Variants in CRKL observed in about 807,000 individuals in gnomAD.
CRKL encodes CRK like proto-oncogene, adaptor protein, also known as crk-like protein.
In CRKL, 3 loss-of-function variants were observed where a neutral mutation model predicts 23.0. That is an observed-to-expected ratio of 0.13 (90% confidence interval 0.06 to 0.34). The LOEUF (loss-of-function observed/expected upper bound fraction) is 0.34. CRKL is among the 10% of genes least tolerant of loss of function. CRKL has a pLI of 1.00. For synonymous variants in CRKL, 188 were observed against 160.7 expected, an observed-to-expected ratio of 1.17 and a Z score of -1.28; for missense variants, 256 against 394.5, an observed-to-expected ratio of 0.65 and a Z score of 2.97.
intron 2 of CRKL, among the ~76,000 whole-genome samples, chr22:20,936,263 A>G (rs1194626779): frequency 6.6e-6 from 1 of 152,236 alleles, no homozygotes; most frequent in African/African-American, 2.4e-5. Flanking sequence ...CTCACCAAAC[A>G]GCCTGCCCAC....
intron 1 of CRKL, among the ~76,000 whole-genome samples, chr22:20,931,367 A>G (rs1601678141): frequency 6.6e-6 from 1 of 152,138 alleles, no homozygotes; most frequent in African/African-American, 2.4e-5. Flanking sequence ...TGGTTGTGCC[A>G]CTCTGCACTC....
rs1407371341 is a variant in CRKL at position 20,952,671 on chromosome 22, C to T, written c.*2826C>T. ...GGTGGGTGTTCATAACTGCTACTTG[C>T]TCTGCTCTACCATGTTTAAAGAAAT... On this transcript the variant is annotated 3_prime_UTR_variant, in exon 3 of 3. Coordinates refer to ENST00000354336, the MANE Select transcript of CRKL (RefSeq NM_005207.4). 1 of 232,262 alleles carries T rather than the reference C, an allele frequency of 4.3e-6. No homozygotes were observed. Among genetic ancestry groups the T allele is most frequent in the Non-Finnish European group, 8.5e-6 (1 of 117,398 alleles). 14.4% of individuals were successfully genotyped at this position (232,262 alleles called of 1,614,324 possible).
rs751402536 is a variant in CRKL at position 20,918,138 on chromosome 22, C to G, written c.204C>G (p.Asn68Lys). The change falls in exon 1 of 3, where the codon AAC (asparagine) becomes AAG (lysine). Residue 68 changes from asparagine to lysine, a missense_variant. Physicochemically the swap from Asn to Lys is moderately conservative, Grantham distance 94 (BLOSUM62 0). Transcript: ENST00000354336. ...ACTACATCATCAACTCGCTGCCCAACCGCCGTTTTAAGATCGGGGACCAGG... is the reference window on the plus strand; with the variant it reads ...ACTACATCATCAACTCGCTGCCCAAGCGCCGTTTTAAGATCGGGGACCAGG... ...VSHYIINSLP[N>K]RRFKIGDQEF... The G allele has an allele frequency of 6.2e-7, 1 of 1,614,084 alleles. No homozygotes were observed. The highest frequency in any genetic ancestry group is 1.3e-5 in the African/African-American group (1 of 74,928).
rs984850719 is a variant in CRKL at position 20,923,231 on chromosome 22, C to T, written c.311+4986C>T. On this transcript the variant is annotated intron_variant, in intron 1 of 2. Coordinates refer to ENST00000354336, the MANE Select transcript of CRKL (RefSeq NM_005207.4). The stretch of plus-strand genomic sequence containing the variant: ...TGGTAATATGGAACCAACATTGAAT[C>T]AGACAGCCCTATCATGCTTCTGAGG... Among the ~76,000 whole-genome samples, 10 of 152,058 alleles carry T rather than the reference C, an allele frequency of 6.6e-5. No individual in the cohort carries two copies. In the South Asian group the frequency reaches 1.9e-3, roughly 28 times the overall value.
At chr22:20,921,452 C>T (rs759977423) in intron 1 of CRKL, among the ~76,000 whole-genome samples, 3 of 151,440 alleles carry the variant, frequency 2.0e-5, no homozygotes, top group Non-Finnish European at 4.4e-5. Flanking sequence ...TCCTGTGGAA[C>T]TCCTACTGTA....
At position 20,952,296 on chromosome 22, in the gene CRKL, C is replaced by G. The variant is rs1922308443; in HGVS notation, c.*2451C>G. On this transcript the variant is annotated 3_prime_UTR_variant, in exon 3 of 3. Coordinates refer to ENST00000354336, the MANE Select transcript of CRKL (RefSeq NM_005207.4). ...TCTACTGACCAATACCCCGACTCAC[C>G]TTGTGTGGCGCACTTCAGAATCAGA... 1 of 229,712 alleles carries G rather than the reference C, an allele frequency of 4.4e-6. No individual in the cohort carries two copies. The highest frequency in any genetic ancestry group is 5.7e-5 in the Admixed American group (1 of 17,662). 14.2% of individuals were successfully genotyped at this position (229,712 alleles called of 1,614,324 possible).
At chr22:20,932,487 G>A (rs914117606) in intron 1 of CRKL, among the ~76,000 whole-genome samples, 3 of 152,020 alleles carry the variant, frequency 2.0e-5, no homozygotes, top group South Asian at 2.1e-4. Flanking sequence ...GTCATTTTCT[G>A]TGTGTCCAGG....
intron 1 of CRKL, among the ~76,000 whole-genome samples, chr22:20,919,488 C>T (rs191524114): frequency 6.6e-6 from 1 of 152,100 alleles, no homozygotes; most frequent in African/African-American, 2.4e-5. Context: ...TTCTCTTTTC[C>T]AAGTGAAATA....
chr22:20,936,761 C>G (rs1296303415), intron 2 of CRKL, among the ~76,000 whole-genome samples: 2 of 152,066 alleles, frequency 1.3e-5, no homozygotes, highest in African/African-American at 4.8e-5. Flanking sequence ...GGAAAAGGAG[C>G]ATTTGAGGCT....
intron 1 of CRKL, 23 bp downstream of exon 1, chr22:20,918,268 C>G (rs1324605080): frequency 6.2e-7 from 1 of 1,609,964 alleles, no homozygotes; most frequent in South Asian, 1.1e-5. Context: ...CCTCCCCGAC[C>G]GCGGAGGAAG....
chr22:20,941,536 TTATGTGTG>T lies in CRKL; in HGVS notation c.777+7294_777+7301del, dbSNP rs1302587816. On this transcript the variant is annotated intron_variant, in intron 2 of 2. Coordinates refer to ENST00000354336, the MANE Select transcript of CRKL (RefSeq NM_005207.4). ...GTGTATGTGTATATATATATATATTTTATGTGTGTGTGTGTGTGTGTGTGTGTGTGTGT... is the reference window on the plus strand; with the variant it reads ...GTGTATGTGTATATATATATATATTTTGTGTGTGTGTGTGTGTGTGTGTGT... Among the ~76,000 whole-genome samples the T allele has an allele frequency of 2.2e-3, 177 of 80,704 alleles. 5 individuals carry two copies. Among genetic ancestry groups the T allele is most frequent in the African/African-American group, 6.5e-3 (157 of 24,130 alleles). The allele number at this position is 80,704 out of a possible 152,430, so 52.9% of individuals were successfully genotyped here.
chr22:20,920,489 ACT>A (rs1039150281), intron 1 of CRKL, among the ~76,000 whole-genome samples: 4 of 149,602 alleles, frequency 2.7e-5, no homozygotes, highest in Non-Finnish European at 5.9e-5. Context: ...ACAGAGTGAG[ACT>A]CTGTCTCAAA....
Position 20,948,573 on chromosome 22 carries a change from G to A in CRKL, c.778-1138G>A, listed in dbSNP as rs114457326. Among the ~76,000 whole-genome samples, 368 of 152,320 alleles carry A rather than the reference G, an allele frequency of 2.4e-3. 1 individual carries two copies. Among genetic ancestry groups the A allele is most frequent in the African/African-American group, 8.4e-3 (351 of 41,562 alleles). ...TTAAGCAGTTTGCTACAGTCATGTA[G>A]TTTCTAAAAGTGGCAGAACCAGGAC... is the stretch of plus-strand genomic sequence containing the variant. On this transcript the variant is annotated intron_variant, in intron 2 of 2. Transcript: ENST00000354336.
rs933184692 is a variant in CRKL, at chr22:20,952,785, T to G, written c.*2940T>G. Reference sequence around the variant, plus strand: ...AGGGCATTGACTGGTTAAAAACTTGTGTATCCCGGGAAGGACCTGCGGTAC... The same window carrying G: ...AGGGCATTGACTGGTTAAAAACTTGGGTATCCCGGGAAGGACCTGCGGTAC... On this transcript the variant is annotated 3_prime_UTR_variant, in exon 3 of 3. Coordinates refer to ENST00000354336, the MANE Select transcript of CRKL (RefSeq NM_005207.4). 4.3e-6 allele frequency: 1 copy of G among 231,990 alleles called. No individual in the cohort carries two copies. The highest frequency in any genetic ancestry group is 8.5e-6 in the Non-Finnish European group (1 of 117,280). 14.4% of individuals were successfully genotyped at this position (231,990 alleles called of 1,614,324 possible).
chr22:20,931,082 C>A (rs942897045), intron 1 of CRKL, among the ~76,000 whole-genome samples: 1 of 152,104 alleles, frequency 6.6e-6, no homozygotes, highest in Non-Finnish European at 1.5e-5. Context: ...ATGGTACTTA[C>A]TGGACTGTTC....
Position 20,951,262 on chromosome 22 carries a change from CTAAG to C in CRKL, c.*1423_*1426del, listed in dbSNP as rs1487677541. 9.0e-5 allele frequency: 21 copies of C among 232,494 alleles called. No homozygotes were observed. Among genetic ancestry groups the C allele is most frequent in the Non-Finnish European group, 1.3e-4 (15 of 117,652 alleles). 14.4% of individuals were successfully genotyped at this position (232,494 alleles called of 1,614,324 possible). The stretch of plus-strand genomic sequence containing the variant: ...GTGCTGCTCATACTGGTCTCACAGT[CTAAG>C]TAAGTGTCTGTGATGCTCCCAAGCA... On this transcript the variant is annotated 3_prime_UTR_variant, in exon 3 of 3. Transcript: ENST00000354336.
intron 1 of CRKL, among the ~76,000 whole-genome samples, chr22:20,931,963 C>G (rs1463735961): frequency 3.9e-5 from 6 of 152,068 alleles, no homozygotes; most frequent in Non-Finnish European, 8.8e-5. Flanking sequence ...AGGCACCCAC[C>G]ACCATGCCCG....
chr22:20,922,938 G>A (rs1426815214), intron 1 of CRKL, among the ~76,000 whole-genome samples: 1 of 152,152 alleles, frequency 6.6e-6, no homozygotes, highest in Non-Finnish European at 1.5e-5. Flanking sequence ...CTCCCAAAGT[G>A]CTGGGATTAC....
At chr22:20,928,069 A>G (rs985602810) in intron 1 of CRKL, among the ~76,000 whole-genome samples, 1 of 152,006 alleles carries the variant, frequency 6.6e-6, no homozygotes, top group African/African-American at 2.4e-5. Flanking sequence ...AGGCACAAGA[A>G]TAGCTTGAAC....
Sources: gnomAD v4.1 joint callset for allele counts (sites outside exome capture counted in the v4.1 genomes callset) on GRCh38, gnomAD v4.1.1 for gene constraint, MANE v1.5 for transcripts, NCBI Gene and HGNC (gene_info 2026-07-23, HGNC 2026-07-21) for gene names.